ZBTB20: variants seen among roughly 807,000 people sequenced by gnomAD.
ZBTB20 encodes zinc finger and BTB domain-containing protein 20.
In ZBTB20, 9 loss-of-function variants were observed where a neutral mutation model predicts 56.9. That is an observed-to-expected ratio of 0.16 (90% CI 0.10 to 0.28). ZBTB20 has a LOEUF of 0.28. ZBTB20 is among the 10% of genes least tolerant of loss of function. The pLI is 1.00. For synonymous variants in ZBTB20, 417 were observed against 420.7 expected (o/e 0.99, Z 0.11); for missense variants, 655 against 1,003.0 (o/e 0.65, Z 4.69).
chr3:114,459,425 C>T (rs1040758029), intron 7 of ZBTB20, among the ~76,000 whole-genome samples: 1 of 152,186 alleles, frequency 6.6e-6, no homozygotes, highest in Non-Finnish European at 1.5e-5. Context: ...CCCTTTCCCA[C>T]CTGTTTGACC....
intron 2 of ZBTB20, among the ~76,000 whole-genome samples, chr3:115,058,333 AT>A (rs1302091037): frequency 1.3e-5 from 2 of 152,162 alleles, no homozygotes; most frequent in Non-Finnish European, 2.9e-5. Flanking sequence ...GTTTTCAACA[AT>A]TTTAGTATCA....
intron 4 of ZBTB20, among the ~76,000 whole-genome samples, chr3:114,891,055 T>C (rs933562854): frequency 6.6e-6 from 1 of 152,156 alleles, no homozygotes; most frequent in Non-Finnish European, 1.5e-5. Flanking sequence ...CCACTAAATA[T>C]CTTTAGCACT....
intron 2 of ZBTB20, among the ~76,000 whole-genome samples, chr3:115,068,315 C>T (rs904839657): frequency 6.6e-6 from 1 of 151,786 alleles, no homozygotes; most frequent in South Asian, 2.1e-4. Flanking sequence ...AATGGTATAC[C>T]TAAAGAGACA....
Position 114,966,312 on chromosome 3 carries a change from C to T in ZBTB20, c.-456+8054G>A, listed in dbSNP as rs377071122. Among the ~76,000 whole-genome samples, 55 of 151,404 alleles carry T rather than the reference C, an allele frequency of 3.6e-4. No homozygotes were observed. The East Asian group carries it at 6.6e-3, about 18-fold the overall frequency. Reference sequence around the variant, plus strand: ...TAGGTAGATAAAAACAGAGAACATGCAAAAAAATAAAGAAGCACACGAGGT... The same window carrying T: ...TAGGTAGATAAAAACAGAGAACATGTAAAAAAATAAAGAAGCACACGAGGT... On this transcript the variant is annotated intron_variant, in intron 3 of 11. Coordinates refer to ENST00000675478, the MANE Select transcript of ZBTB20 (RefSeq NM_001348800.3).
intron 6 of ZBTB20, among the ~76,000 whole-genome samples, chr3:114,515,697 C>T (rs2045908980): frequency 6.6e-6 from 1 of 152,126 alleles, no homozygotes; most frequent in South Asian, 2.1e-4. Flanking sequence ...CCTTTGCCAC[C>T]AATGAATCCG....
chr3:114,841,548 TG>T (rs2074384861), intron 4 of ZBTB20, among the ~76,000 whole-genome samples: 2 of 152,126 alleles, frequency 1.3e-5, no homozygotes, highest in African/African-American at 4.8e-5. Flanking sequence ...AGTTCTGATA[TG>T]AAGAAGATTG....
chr3:114,576,794 C>CAGAG (rs60818267), intron 6 of ZBTB20, among the ~76,000 whole-genome samples: 138,202 of 151,282 alleles, frequency 0.91, 64,354 homozygotes, highest in East Asian at 1. Context: ...TCAAAAAAGA[C>CAGAG]AGAGAGTGAG....
intron 2 of ZBTB20, among the ~76,000 whole-genome samples, chr3:114,979,198 T>A (rs2078231759): frequency 6.6e-6 from 1 of 151,890 alleles, no homozygotes; most frequent in African/African-American, 2.4e-5. Context: ...AAAACTTAAG[T>A]TGGAGGTTAC....
At chr3:115,048,666 T>A (rs2081425913) in intron 2 of ZBTB20, among the ~76,000 whole-genome samples, 1 of 152,184 alleles carries the variant, frequency 6.6e-6, no homozygotes, top group East Asian at 1.9e-4. Context: ...ACAAAGTTTA[T>A]GTATTAAGGA....
At chr3:115,037,999 T>C (rs1389771125) in intron 2 of ZBTB20, among the ~76,000 whole-genome samples, 2 of 152,230 alleles carry the variant, frequency 1.3e-5, no homozygotes, top group African/African-American at 4.8e-5. Flanking sequence ...CCATTATCCT[T>C]ACAATAGAAA....
chr3:114,687,108 C>A (rs1034056728), intron 6 of ZBTB20: 1 of 151,412 alleles, frequency 6.6e-6, no homozygotes, highest in African/African-American at 2.4e-5. Flanking sequence ...CCCCAGAGTA[C>A]ATTGATAGAG....
intron 2 of ZBTB20, among the ~76,000 whole-genome samples, chr3:114,997,533 A>C (rs1446488180): frequency 6.6e-6 from 1 of 151,840 alleles, no homozygotes; most frequent in Non-Finnish European, 1.5e-5. Context: ...ACAGATTGAA[A>C]TGTTAGGAAA....
At chr3:114,595,052 GCTT>G (rs2056191160) in intron 6 of ZBTB20, among the ~76,000 whole-genome samples, 1 of 151,994 alleles carries the variant, frequency 6.6e-6, no homozygotes, top group Non-Finnish European at 1.5e-5. Context: ...CAACCTTCAT[GCTT>G]CTTTTTTCAT....
chr3:114,765,479 C>A (rs2068723701), intron 5 of ZBTB20, among the ~76,000 whole-genome samples: 1 of 152,088 alleles, frequency 6.6e-6, no homozygotes, highest in Admixed American at 6.5e-5. Flanking sequence ...CCATAAACTC[C>A]AGAAACTAAG....
At chr3:114,669,461 C>T (rs145267052) in intron 6 of ZBTB20, among the ~76,000 whole-genome samples, 3 of 152,092 alleles carry the variant, frequency 2.0e-5, no homozygotes, top group African/African-American at 4.8e-5. Context: ...TGTTTGAAAG[C>T]TTCTTATGCC....
intron 2 of ZBTB20, among the ~76,000 whole-genome samples, chr3:115,018,763 T>C (rs933979301): frequency 6.6e-6 from 1 of 151,464 alleles, no homozygotes. Context: ...AATGCTTCGG[T>C]AGCATTAAAG....
rs1396781771 is a variant in ZBTB20, at chr3:114,885,583, TTC to T, written c.-417+14719_-417+14720del. 2.1e-4 allele frequency among the ~76,000 whole-genome samples: 29 copies of T among 135,152 alleles called. No homozygotes were observed. The South Asian group carries it at 5.5e-3, about 26-fold the overall frequency. The allele number at this position is 135,152 out of a possible 152,430, so 88.7% of individuals were successfully genotyped here. ...AATAATAGTTTCTTCTTTTTTTTTT[TTC>T]GGCAACAGATACAAGACAAACTAAA... On this transcript the variant is annotated intron_variant, in intron 4 of 11. Coordinates refer to ENST00000675478, the MANE Select transcript of ZBTB20 (RefSeq NM_001348800.3).
intron 1 of ZBTB20, among the ~76,000 whole-genome samples, chr3:115,139,149 T>C (rs887015060): frequency 6.6e-6 from 1 of 152,022 alleles, no homozygotes; most frequent in Non-Finnish European, 1.5e-5. Flanking sequence ...AGGTGATTTA[T>C]AAAATATTAT....
intron 2 of ZBTB20, among the ~76,000 whole-genome samples, chr3:115,039,695 A>C (rs566086414): frequency 6.6e-6 from 1 of 152,222 alleles, no homozygotes; most frequent in South Asian, 2.1e-4. Context: ...CAAAGTATTA[A>C]AAAGTTGTTC....
Sources: allele counts gnomAD v4.1 joint callset (sites outside exome capture counted in the v4.1 genomes callset), GRCh38; gene constraint gnomAD v4.1.1; transcripts MANE v1.5; gene names NCBI Gene and HGNC (gene_info 2026-07-23, HGNC 2026-07-21).